SCEL: variants seen among roughly 807,000 people sequenced by gnomAD.
SCEL encodes sciellin.
A neutral mutation model predicts 117.6 loss-of-function variants in SCEL; 113 were observed. The ratio of observed to expected loss-of-function variants is 0.96; its 90% confidence interval spans 0.83 to 1.12. The LOEUF (loss-of-function observed/expected upper bound fraction) is 1.12, where lower values mean the gene tolerates loss of function less well. Ranked by LOEUF, SCEL falls within the 50% of genes most tolerant of loss-of-function variation. SCEL has a pLI of 0.00. For synonymous variants in SCEL, 270 were observed against 256.2 expected, an observed-to-expected ratio of 1.05 and a Z score of -0.51; for missense variants, 785 against 810.8, an observed-to-expected ratio of 0.97 and a Z score of 0.39.
intron 28 of SCEL, among the ~76,000 whole-genome samples, chr13:77,629,729 AC>A (rs1053736312): frequency 1.3e-5 from 2 of 152,204 alleles, no homozygotes; most frequent in African/African-American, 4.8e-5. Flanking sequence ...ACCCAAAGAT[AC>A]AGGGGAAATT....
At chr13:77,589,255 A>G in intron 10 of SCEL, 31 bp downstream of exon 10, 1 of 1,511,650 alleles carries the variant, frequency 6.6e-7, no homozygotes, top group East Asian at 2.3e-5. Flanking sequence ...ATTTCTTGAC[A>G]AAATGAAGTT....
Position 77,644,459 on chromosome 13 carries a change from C to T in SCEL, c.*185C>T. 1 of 587,908 alleles carries T rather than the reference C, an allele frequency of 1.7e-6. No individual in the cohort carries two copies. The allele number at this position is 587,908 out of a possible 1,614,324, so 36.4% of individuals were successfully genotyped here. A position where few individuals can be genotyped will look rare whatever the true frequency, so the allele number is the denominator to read the frequency against. ...AATAAGGTCACACACATAAAAAGAGCCATCTGGTCTCTGGCTAGAGTTAGC... is the reference window on the plus strand; with the variant it reads ...AATAAGGTCACACACATAAAAAGAGTCATCTGGTCTCTGGCTAGAGTTAGC... On this transcript the variant is annotated 3_prime_UTR_variant, in exon 33 of 33. Transcript: ENST00000349847.
intron 1 of SCEL, among the ~76,000 whole-genome samples, chr13:77,538,488 A>AT (rs148667580): frequency 0.025 from 3,816 of 152,132 alleles, 161 homozygotes; most frequent in African/African-American, 0.085. Context: ...GTAAACTGTG[A>AT]TTTTTTTCCA....
chr13:77,599,833 G>T, intron 15 of SCEL, 85 bp downstream of exon 15: 1 of 937,176 alleles, frequency 1.1e-6, no homozygotes, highest in South Asian at 1.3e-5. Context: ...TTAGTACAAG[G>T]GTCAGGCAGG....
At chr13:77,629,535 C>T (rs2089932238) in intron 28 of SCEL, among the ~76,000 whole-genome samples, 1 of 152,128 alleles carries the variant, frequency 6.6e-6, no homozygotes, top group African/African-American at 2.4e-5. Context: ...CACTTTACAT[C>T]GTAATTGGAT....
intron 7 of SCEL, 60 bp from the exon 8 acceptor site, chr13:77,569,311 G>C: frequency 7.6e-7 from 1 of 1,316,384 alleles, no homozygotes; most frequent in East Asian, 2.3e-5. Flanking sequence ...ACTTTTCAAA[G>C]GTAGGCTGAA....
At chr13:77,555,828 G>A (rs1344640186) in intron 1 of SCEL, 29 bp from the exon 2 acceptor site, 2 of 1,473,258 alleles carry the variant, frequency 1.4e-6, no homozygotes, top group Non-Finnish European at 9.5e-7. Context: ...TCATTGATGT[G>A]CTTTCTCTAT....
At chr13:77,561,453 C>T (rs2084971506) in intron 4 of SCEL, among the ~76,000 whole-genome samples, 1 of 152,174 alleles carries the variant, frequency 6.6e-6, no homozygotes, top group Non-Finnish European at 1.5e-5. Flanking sequence ...TGACCTATAA[C>T]TAACATCACA....
At chr13:77,571,032 A>AT (rs2085575775) in intron 8 of SCEL, among the ~76,000 whole-genome samples, 2 of 150,866 alleles carry the variant, frequency 1.3e-5, no homozygotes, top group Non-Finnish European at 1.5e-5. Context: ...GGGTTTCACC[A>AT]TTTTTGCCAG....
intron 1 of SCEL, among the ~76,000 whole-genome samples, chr13:77,547,034 G>A (rs2084029824): frequency 6.6e-6 from 1 of 152,188 alleles, no homozygotes; most frequent in Non-Finnish European, 1.5e-5. Context: ...CAGAGAGCCT[G>A]AGAAATGTGG....
At position 77,644,368 on chromosome 13, in the gene SCEL, C is replaced by T. The variant is rs1269768066; in HGVS notation, c.*94C>T. 10 of 1,218,090 alleles carry T rather than the reference C, an allele frequency of 8.2e-6. No individual in the cohort carries two copies. Among genetic ancestry groups the T allele is most frequent in the Non-Finnish European group, 1.2e-5 (10 of 839,844 alleles). 75.5% of individuals were successfully genotyped at this position (1,218,090 alleles called of 1,614,324 possible). On this transcript the variant is annotated 3_prime_UTR_variant, in exon 33 of 33. Coordinates refer to ENST00000349847, the MANE Select transcript of SCEL (RefSeq NM_144777.3). ...AATATGTAATCTAGAAAAGCTTTCA[C>T]ATTGAAGATCAACTCTTGTACAAAA...
At chr13:77,613,250 A>G (rs1403744394) in intron 23 of SCEL, among the ~76,000 whole-genome samples, 1 of 152,192 alleles carries the variant, frequency 6.6e-6, no homozygotes, top group Non-Finnish European at 1.5e-5. Flanking sequence ...ACAAGTTCAT[A>G]AAACTGAACA....
chr13:77,627,918 T>C, intron 27 of SCEL, 29 bp from the exon 28 acceptor site: 1 of 921,762 alleles, frequency 1.1e-6, no homozygotes, highest in African/African-American at 1.7e-5. Flanking sequence ...ATGTTGTAAT[T>C]ATTCATATAT....
chr13:77,640,552 T>G (rs2090508646), intron 30 of SCEL, 124 bp from the exon 31 acceptor site: 1 of 411,746 alleles, frequency 2.4e-6, no homozygotes, highest in Admixed American at 4.4e-5. Context: ...CCTTGTTTTT[T>G]TGTGAAATTT....
chr13:77,634,533 A>G, intron 29 of SCEL, 83 bp downstream of exon 29: 1 of 953,476 alleles, frequency 1.0e-6, no homozygotes, highest in Non-Finnish European at 1.6e-6. Context: ...CTATTGTTTT[A>G]GAGTGTGCTT....
intron 15 of SCEL, among the ~76,000 whole-genome samples, 172 bp from the exon 16 acceptor site, chr13:77,601,893 A>G (rs1356231224): frequency 6.6e-6 from 1 of 152,206 alleles, no homozygotes; most frequent in African/African-American, 2.4e-5. Flanking sequence ...TGATGGATAG[A>G]GCCACCTGAA....
chr13:77,540,583 G>A (rs2083651145), intron 1 of SCEL, among the ~76,000 whole-genome samples: 1 of 152,176 alleles, frequency 6.6e-6, no homozygotes, highest in African/African-American at 2.4e-5. Context: ...GAAAATGAGG[G>A]GTTGAGGGAA....
chr13:77,576,989 A>G (rs2085979473), intron 9 of SCEL, among the ~76,000 whole-genome samples: 1 of 152,146 alleles, frequency 6.6e-6, no homozygotes, highest in African/African-American at 2.4e-5. Flanking sequence ...TTGATTTTGT[A>G]TCCTGAGACT....
At chr13:77,588,588 T>C (rs1376899435) in intron 9 of SCEL, among the ~76,000 whole-genome samples, 3 of 152,170 alleles carry the variant, frequency 2.0e-5, no homozygotes, top group Admixed American at 1.3e-4. Context: ...TGGTGCTTCA[T>C]TGGAAAGTTT....
Sources: allele counts gnomAD v4.1 joint callset (sites outside exome capture counted in the v4.1 genomes callset), GRCh38; gene constraint gnomAD v4.1.1; transcripts MANE v1.5; gene names NCBI Gene and HGNC (gene_info 2026-07-23, HGNC 2026-07-21).